Variants in ZFR observed in about 807,000 individuals in gnomAD.
ZFR encodes the protein zinc finger RNA-binding protein.
A neutral mutation model predicts 130.7 loss-of-function variants in ZFR; 19 were observed. The ratio of observed to expected loss-of-function variants is 0.15; its 90% CI spans 0.10 to 0.21. ZFR has a LOEUF of 0.21. Among genes scored for constraint, ZFR ranks in the 10% least tolerant of loss-of-function variants. The pLI is 1.00. For synonymous variants in ZFR, 466 were observed against 456.9 expected (o/e 1.02, Z -0.25); for missense variants, 872 against 1,321.5 (o/e 0.66, Z 5.27).
At chr5:32,357,526 GAA>G (rs1346267378) in intron 19 of ZFR, among the ~76,000 whole-genome samples, 2 of 152,238 alleles carry the variant, frequency 1.3e-5, no homozygotes. Context: ...TTGGCCTCCC[GAA>G]GTGCTGGGAT....
intron 19 of ZFR, among the ~76,000 whole-genome samples, chr5:32,360,921 C>T (rs1285127510): frequency 1.3e-5 from 2 of 152,172 alleles, no homozygotes; most frequent in African/African-American, 4.8e-5. Context: ...AAGTGATCCT[C>T]CCACCTCAAG....
chr5:32,365,597 C>CA (rs982040241), intron 17 of ZFR, among the ~76,000 whole-genome samples: 6 of 151,494 alleles, frequency 4.0e-5, no homozygotes, highest in African/African-American at 1.4e-4. Context: ...CTTGTTCTGT[C>CA]ACCCAGGCTA....
At chr5:32,392,109 G>A (rs1753194507) in intron 11 of ZFR, among the ~76,000 whole-genome samples, 1 of 152,164 alleles carries the variant, frequency 6.6e-6, no homozygotes, top group South Asian at 2.1e-4. Flanking sequence ...AGGCTTTGAG[G>A]AAAAAATGAA....
chr5:32,365,860 A>AG (rs1346444003), intron 17 of ZFR, among the ~76,000 whole-genome samples: 1 of 152,170 alleles, frequency 6.6e-6, no homozygotes, highest in East Asian at 1.9e-4. Flanking sequence ...TTGGCCTCCC[A>AG]AAGCCTTGGG....
intron 19 of ZFR, among the ~76,000 whole-genome samples, chr5:32,362,451 G>A (rs1009118286): frequency 3.9e-5 from 6 of 152,128 alleles, no homozygotes; most frequent in African/African-American, 1.4e-4. Context: ...ACAGGCCACC[G>A]AAAAACTAAC....
intron 6 of ZFR, among the ~76,000 whole-genome samples, chr5:32,404,429 G>T (rs541128420): frequency 9.2e-5 from 14 of 152,290 alleles, no homozygotes; most frequent in Admixed American, 5.9e-4. Context: ...ATTCCATAAA[G>T]AAATTATATT....
Position 32,444,599 on chromosome 5 carries a change from C to G in ZFR, c.37+23G>C, listed in dbSNP as rs1273006029. On this transcript the variant is annotated intron_variant, in intron 1 of 19. Coordinates refer to ENST00000265069, the MANE Select transcript of ZFR (RefSeq NM_016107.5). ...GCCAGGGAGGGGGCCGGGCAGAGGC[C>G]TCGCGGGCCACATTAGACTCACCAT... 3 of 1,479,996 alleles carry G rather than the reference C, an allele frequency of 2.0e-6. No homozygotes were observed. The African/African-American group carries it at 4.4e-5, about 22-fold the overall frequency. 91.7% of individuals were successfully genotyped at this position (1,479,996 alleles called of 1,614,324 possible).
intron 2 of ZFR, among the ~76,000 whole-genome samples, chr5:32,435,732 A>G (rs1457160755): frequency 1.3e-5 from 2 of 152,214 alleles, no homozygotes; most frequent in Non-Finnish European, 2.9e-5. Flanking sequence ...CCATACTAGT[A>G]GTGTATTTTA....
intron 14 of ZFR, among the ~76,000 whole-genome samples, chr5:32,386,218 T>C (rs543675215): frequency 6.6e-6 from 1 of 152,134 alleles, no homozygotes; most frequent in Non-Finnish European, 1.5e-5. Context: ...TCTGATACTT[T>C]ACAGTGATGC....
intron 2 of ZFR, among the ~76,000 whole-genome samples, chr5:32,423,120 A>G (rs1753992868): frequency 6.6e-6 from 1 of 152,064 alleles, no homozygotes. Context: ...AGAAGGCTGG[A>G]TCTTGAGTTT....
intron 2 of ZFR, among the ~76,000 whole-genome samples, chr5:32,443,810 G>A (rs1036059715): frequency 2.0e-5 from 3 of 152,252 alleles, no homozygotes; most frequent in Non-Finnish European, 4.4e-5. Flanking sequence ...TCCCCGTGAG[G>A]TCCCTTCAGC....
At chr5:32,377,245 T>C (rs1478701852) in intron 17 of ZFR, among the ~76,000 whole-genome samples, 17 of 151,094 alleles carry the variant, frequency 1.1e-4, no homozygotes, top group Admixed American at 5.3e-4. Context: ...CTCTCTCTCT[T>C]TCTTTCGAGA....
At chr5:32,379,914 A>G (rs1752899258) in intron 16 of ZFR, 161 bp downstream of exon 16, 3 of 547,642 alleles carry the variant, frequency 5.5e-6, no homozygotes, top group Non-Finnish European at 9.5e-6. Flanking sequence ...CAATATGCAG[A>G]TCATCATACC....
At chr5:32,357,327 G>A (rs533286891) in intron 19 of ZFR, among the ~76,000 whole-genome samples, 13 of 152,146 alleles carry the variant, frequency 8.5e-5, no homozygotes, top group Admixed American at 4.6e-4. Context: ...GTGCAGTGGC[G>A]CGATCTCAGC....
intron 9 of ZFR, among the ~76,000 whole-genome samples, chr5:32,397,648 G>A (rs1222204166): frequency 6.6e-6 from 1 of 152,038 alleles, no homozygotes; most frequent in African/African-American, 2.4e-5. Context: ...TTTTAGTAGA[G>A]ACAGGGTTTC....
At chr5:32,402,992 C>T (rs1305335063) in intron 8 of ZFR, 114 bp downstream of exon 8, 5 of 1,026,462 alleles carry the variant, frequency 4.9e-6, no homozygotes, top group Middle Eastern at 2.5e-4. Flanking sequence ...AAACAAGGTC[C>T]CAGAGAGAAG....
Position 32,355,669 on chromosome 5 carries a change from A to T in ZFR, c.*91T>A. 1 of 1,213,512 alleles carries T rather than the reference A, an allele frequency of 8.2e-7. No homozygotes were observed. The highest frequency in any genetic ancestry group is 1.1e-6 in the Non-Finnish European group (1 of 889,592). 75.2% of individuals were successfully genotyped at this position (1,213,512 alleles called of 1,614,324 possible). A position where few individuals can be genotyped will look rare whatever the true frequency, so the allele number is the denominator to read the frequency against. On this transcript the variant is annotated 3_prime_UTR_variant, in exon 20 of 20. Coordinates refer to ENST00000265069, the MANE Select transcript of ZFR (RefSeq NM_016107.5). Reference sequence around the variant, plus strand: ...TTCCATGAAATCCTTTAAATTCTTGATAAATTTTTCAATGTAGACATTATT... The same window carrying T: ...TTCCATGAAATCCTTTAAATTCTTGTTAAATTTTTCAATGTAGACATTATT...
In ZFR at chr5:32,398,091, C is replaced by T. The variant is rs1054728705; in HGVS notation, c.1714-753G>A. 1.5e-4 allele frequency among the ~76,000 whole-genome samples: 22 copies of T among 144,062 alleles called. No individual in the cohort carries two copies. In the East Asian group the frequency reaches 4.3e-3, roughly 28 times the overall value. 94.5% of individuals were successfully genotyped at this position (144,062 alleles called of 152,430 possible). ...CAGGATGGTCTTGATCTCCTGACCT[C>T]GTGATCCGCCCGCCTCGGCCTCCCA... is the stretch of plus-strand genomic sequence containing the variant. On this transcript the variant is annotated intron_variant, in intron 9 of 19. Transcript: ENST00000265069.
chr5:32,397,896 C>T (rs6876296), intron 9 of ZFR, among the ~76,000 whole-genome samples: 54,236 of 125,094 alleles, frequency 0.43, 11,122 homozygotes, highest in East Asian at 0.59. Context: ...CTTGCTCTGT[C>T]GCTCAGGCTG....
Sources: gnomAD v4.1 joint callset for allele counts (sites outside exome capture counted in the v4.1 genomes callset) on GRCh38, gnomAD v4.1.1 for gene constraint, MANE v1.5 for transcripts, NCBI Gene and HGNC (gene_info 2026-07-23, HGNC 2026-07-21) for gene names.